SI: variants seen among roughly 807,000 people sequenced by gnomAD.
SI encodes sucrase-isomaltase, intestinal.
Under a neutral mutation model 253.3 loss-of-function variants are expected in SI, and 235 were observed. The observed-to-expected ratio is 0.93, with a 90% CI of 0.83 to 1.03. The LOEUF is 1.03. Ranked by LOEUF, SI falls within the 50% of genes least tolerant of loss-of-function variation. The pLI is 0.00. For missense variants in SI, 2,442 were observed against 2,211.1 expected, an observed-to-expected ratio of 1.10 and a Z score of -2.09; for synonymous variants, 819 against 712.0, an observed-to-expected ratio of 1.15 and a Z score of -2.39.
intron 46 of SI, 81 bp downstream of exon 46, chr3:164,982,921 G>T: frequency 7.4e-7 from 1 of 1,348,036 alleles, no homozygotes; most frequent in Non-Finnish European, 1.0e-6. Context: ...AATGAACTAG[G>T]ATTACAGGCA....
At chr3:165,083,622 A>C in the SI span, among the ~76,000 whole-genome samples, 3 of 152,024 alleles carry the variant, frequency 2.0e-5, no homozygotes, top group Non-Finnish European at 4.4e-5. Flanking sequence ...TACTCATTTA[A>C]TAACATATGA....
chr3:165,043,014 A>G (rs1712926139), intron 17 of SI, 45 bp downstream of exon 17: 13 of 1,104,778 alleles, frequency 1.2e-5, no homozygotes, highest in Non-Finnish European at 1.8e-5. Context: ...AATAAAAACT[A>G]TGGTTGTTTT....
chr3:165,012,967 G>T lies in SI; in HGVS notation c.4062+13C>A. ...TTTCTTCTCATTGTATAGTTAGCCC[G>T]TGTAAAACTTACATTAACAGCTTCA... On this transcript the variant is annotated intron_variant, in intron 34 of 47. Transcript: ENST00000264382. 1 of 1,531,582 alleles carries T rather than the reference G, an allele frequency of 6.5e-7. No individual in the cohort carries two copies. The allele number at this position is 1,531,582 out of a possible 1,614,324, so 94.9% of individuals were successfully genotyped here.
rs1184094413 is a variant in SI, at chr3:165,030,740, C to T, written c.2864G>A (p.Cys955Tyr). The change falls in exon 25 of 48, where the codon TGC becomes TAC. Residue 955 changes from cysteine (C) to tyrosine (Y), a missense_variant. Transcript: ENST00000264382. ...TCTCCATACACAGCCACGTTGTGTG[C>T]ACTTTTGTTCAGTTGCCAAATCTGC... ...PDADLATEQK[C>Y]TQRGCVWRTG... 3.1e-6 allele frequency: 5 copies of T among 1,608,856 alleles called. No homozygotes were observed. Among genetic ancestry groups the T allele is most frequent in the Non-Finnish European group, 4.2e-6 (5 of 1,176,740 alleles).
intron 9 of SI, 147 bp downstream of exon 9, chr3:165,062,224 C>G: frequency 3.3e-6 from 2 of 603,596 alleles, no homozygotes; most frequent in Non-Finnish European, 5.9e-6. Flanking sequence ...AAAAAACACC[C>G]AGCTGCATCT....
chr3:165,044,355 G>C (rs965729379), intron 16 of SI, among the ~76,000 whole-genome samples: 1 of 151,736 alleles, frequency 6.6e-6, no homozygotes, highest in Non-Finnish European at 1.5e-5. Context: ...TTGTATAATC[G>C]GAACTGTTTG....
intron 15 of SI, among the ~76,000 whole-genome samples, chr3:165,047,800 T>C (rs968692302): frequency 6.6e-6 from 1 of 151,260 alleles, no homozygotes; most frequent in African/African-American, 2.4e-5. Flanking sequence ...CATTTTCAAA[T>C]ATTAGCAGGC....
At chr3:165,021,407 A>G (rs200783135) in intron 26 of SI, 24 bp from the exon 27 acceptor site, 2 of 1,587,914 alleles carry the variant, frequency 1.3e-6, no homozygotes, top group East Asian at 2.2e-5. Flanking sequence ...GTAGTAAAAA[A>G]GTTTATTCTG....
chr3:164,992,931 T>G (rs546240888), intron 41 of SI, among the ~76,000 whole-genome samples: 124 of 151,940 alleles, frequency 8.2e-4, no homozygotes, highest in Non-Finnish European at 1.4e-3. Context: ...AAGGTTTTTT[T>G]TTTGTTTGTT....
At chr3:164,984,033 T>A (rs1717322602) in intron 45 of SI, among the ~76,000 whole-genome samples, 1 of 152,210 alleles carries the variant, frequency 6.6e-6, no homozygotes, top group South Asian at 2.1e-4. Flanking sequence ...TCCCACCGTA[T>A]AGAAGAGTAA....
At chr3:165,010,688 A>C (rs1490509278) in intron 34 of SI, among the ~76,000 whole-genome samples, 3 of 152,160 alleles carry the variant, frequency 2.0e-5, no homozygotes, top group Non-Finnish European at 4.4e-5. Flanking sequence ...TTATTCTATT[A>C]GCTGGCTGCT....
chr3:165,047,676 G>C (rs1043585427), intron 15 of SI, among the ~76,000 whole-genome samples: 2 of 151,792 alleles, frequency 1.3e-5, no homozygotes, highest in Admixed American at 6.6e-5. Flanking sequence ...ATTTGGTTTT[G>C]AAATATAATA....
chr3:165,033,432 T>G lies in SI; in HGVS notation c.2528A>C (p.Asn843Thr). The stretch of plus-strand genomic sequence containing the variant: ...AAATGTATATAATATGTAGTTGCCA[T>G]TTTGTATTGTATCTGAAATGAAAAA... ...DDGETKDTIQ[N>T]GNYILYTFSV... Residue 843 changes from asparagine to threonine, a missense_variant, in exon 23 of 48, where the codon AAT (asparagine) becomes ACT (threonine). Physicochemically the swap from Asn to Thr is moderately conservative, Grantham distance 65. Transcript: ENST00000264382. 6.5e-7 allele frequency: 1 copy of G among 1,546,112 alleles called. No individual in the cohort carries two copies. The highest frequency in any genetic ancestry group is 1.3e-5 in the South Asian group (1 of 79,852).
chr3:165,084,297 A>G, the SI span, among the ~76,000 whole-genome samples: 4 of 152,024 alleles, frequency 2.6e-5, no homozygotes, highest in Non-Finnish European at 4.4e-5. Flanking sequence ...TTAAATTTCT[A>G]TTGTTTACAA....
Position 164,991,355 on chromosome 3 carries a change from G to A in SI, c.5106C>T (p.Tyr1702=), listed in dbSNP as rs1717726171. Residue 1702 remains tyrosine, a splice_region_variant and synonymous_variant, in exon 44 of 48, where the codon TAC becomes TAT. Transcript: ENST00000264382. ...PCQEPAQNTF[Y]SRQKHMKLIV... ...AGCTTTGTAAACAGTTCACTTACCT[G>A]TAAAATGTGTTTTGAGCTGGCTCTT... 1.9e-6 allele frequency: 3 copies of A among 1,613,518 alleles called. No individual in the cohort carries two copies. Among genetic ancestry groups the A allele is most frequent in the Non-Finnish European group, 2.5e-6 (3 of 1,179,702 alleles).
At chr3:165,052,690 G>A (rs1021987260) in intron 13 of SI, among the ~76,000 whole-genome samples, 1 of 151,958 alleles carries the variant, frequency 6.6e-6, no homozygotes, top group African/African-American at 2.4e-5. Flanking sequence ...CTTTGTTTCT[G>A]AGAATGTACC....
rs940858335 is a variant in SI, at chr3:165,076,886, A to T, written c.1-874T>A. 2.0e-5 allele frequency among the ~76,000 whole-genome samples: 3 copies of T among 151,328 alleles called. No homozygotes were observed. The Admixed American group carries it at 2.0e-4, about 10-fold the overall frequency. On this transcript the variant is annotated intron_variant, in intron 1 of 47. Coordinates refer to ENST00000264382, the MANE Select transcript of SI (RefSeq NM_001041.4). ...ATTATCTGTATTCTATGATTTTAGT[A>T]TAAATCTTAATTCAAAGACATATAC...
intron 45 of SI, among the ~76,000 whole-genome samples, chr3:164,986,819 G>T (rs1327410669): frequency 6.6e-6 from 1 of 152,060 alleles, no homozygotes; most frequent in African/African-American, 2.4e-5. Context: ...TTACATATAT[G>T]CCAAGTGTCT....
Position 165,009,318 on chromosome 3 carries a change from G to A in SI, c.4140C>T (p.Asp1380=), listed in dbSNP as rs1272468768. 6.2e-7 allele frequency: 1 copy of A among 1,612,708 alleles called. No homozygotes were observed. The highest frequency in any genetic ancestry group is 2.2e-5 in the East Asian group (1 of 44,802). ...CAAACTTCATCTTTTCATTGTAAAAGTCCACAATTTCTCTGGCCCACCACT... is the reference window on the plus strand; with the variant it reads ...CAAACTTCATCTTTTCATTGTAAAAATCCACAATTTCTCTGGCCCACCACT... ...TAEWWAREIV[D]FYNEKMKFDG... is the part of the protein sequence containing the mutation. The change falls in exon 35 of 48, where the codon GAC becomes GAT. Residue 1380 remains aspartate, a synonymous_variant. Coordinates refer to ENST00000264382, the MANE Select transcript of SI (RefSeq NM_001041.4).
Sources: gnomAD v4.1 joint callset for allele counts (sites outside exome capture counted in the v4.1 genomes callset) on GRCh38, gnomAD v4.1.1 for gene constraint, MANE v1.5 for transcripts, NCBI Gene and HGNC (gene_info 2026-07-23, HGNC 2026-07-21) for gene names.